MYH7B: variants seen among roughly 807,000 people sequenced by gnomAD.
The protein encoded by MYH7B is myosin-7B.
In MYH7B, 205 loss-of-function variants were observed where a neutral mutation model predicts 234.5. That is an observed-to-expected ratio of 0.87 (90% confidence interval 0.78 to 0.98). MYH7B has a LOEUF of 0.98. Ranked by LOEUF, MYH7B falls within the 50% of genes least tolerant of loss-of-function variation. The pLI is 0.00. For synonymous variants in MYH7B, 1,193 were observed against 1,105.0 expected (o/e 1.08, Z -1.58); for missense variants, 2,652 against 2,633.4 (o/e 1.01, Z -0.15).
In MYH7B at chr20:34,982,833, A is replaced by G. The variant is rs559348137; in HGVS notation, c.624+278A>G. ...TAAATTTGTGTAATTTTTATCTTCC[A>G]TTGTGACCTTCATATATTGAAAGAG... is the stretch of plus-strand genomic sequence containing the variant. On this transcript the variant is annotated intron_variant, in intron 10 of 44. Transcript: ENST00000262873. Among the ~76,000 whole-genome samples the G allele has an allele frequency of 2.0e-5, 3 of 152,076 alleles. No homozygotes were observed. In the East Asian group the frequency reaches 5.8e-4, roughly 29 times the overall value.
At chr20:34,971,462 T>C (rs1291507454) in intron 2 of MYH7B, among the ~76,000 whole-genome samples, 1 of 142,164 alleles carries the variant, frequency 7.0e-6, no homozygotes, top group Admixed American at 7.3e-5. Flanking sequence ...TAAACAGCCC[T>C]GATGCCTTTT....
intron 30 of MYH7B, 44 bp downstream of exon 30, chr20:34,996,802 C>A: frequency 6.3e-7 from 1 of 1,585,344 alleles, no homozygotes; most frequent in African/African-American, 1.3e-5. Flanking sequence ...TGAGCCTGCA[C>A]CTGGCCCTTG....
At chr20:34,994,282 G>A in exon 27 of MYH7B, 1 of 1,612,608 alleles carries the variant, frequency 6.2e-7, no homozygotes, top group Non-Finnish European at 8.5e-7. Flanking sequence ...GGCCCTGCGG[G>A]CAGAGCTGCG....
intron 2 of MYH7B, among the ~76,000 whole-genome samples, chr20:34,966,206 G>T (rs1332589912): frequency 6.6e-6 from 1 of 152,228 alleles, no homozygotes; most frequent in East Asian, 1.9e-4. Context: ...CTGTGATAAG[G>T]TGGCACCACA....
exon 36 of MYH7B, chr20:34,999,216 A>C (rs1453071163): frequency 6.2e-7 from 1 of 1,611,672 alleles, no homozygotes; most frequent in African/African-American, 1.3e-5. Context: ...TGCGCTGGAC[A>C]AGAAGCAGCG....
intron 2 of MYH7B, among the ~76,000 whole-genome samples, chr20:34,965,581 G>T (rs1190477730): frequency 3.3e-5 from 5 of 152,226 alleles, no homozygotes; most frequent in Non-Finnish European, 7.3e-5. Flanking sequence ...CCTGTCTTGT[G>T]GGGTAGACAG....
intron 23 of MYH7B, 34 bp from the exon 24 acceptor site, chr20:34,990,970 G>A (rs961597048): frequency 3.8e-6 from 6 of 1,589,730 alleles, no homozygotes; most frequent in South Asian, 2.2e-5. Flanking sequence ...GGGTGTGCCT[G>A]TTGACCTCTG....
At chr20:34,961,347 AT>A (rs1471868076) in intron 2 of MYH7B, among the ~76,000 whole-genome samples, 3 of 152,172 alleles carry the variant, frequency 2.0e-5, no homozygotes, top group African/African-American at 7.2e-5. Flanking sequence ...AACAGAACAA[AT>A]ACCTGTGTAC....
exon 10 of MYH7B, chr20:34,982,499 G>A: frequency 1.9e-6 from 3 of 1,613,786 alleles, no homozygotes; most frequent in Non-Finnish European, 2.5e-6. Context: ...CACCAAGCGG[G>A]TCATTCAGTA....
chr20:34,991,646 T>C (rs1261903220), intron 24 of MYH7B, among the ~76,000 whole-genome samples: 2 of 152,134 alleles, frequency 1.3e-5, no homozygotes, highest in Non-Finnish European at 2.9e-5. Flanking sequence ...ACGAGAATCA[T>C]GTGGACGAGG....
rs368910392 is a variant in MYH7B at position 34,994,294 on chromosome 20, G to A, written c.2593G>A (p.Gly865Arg). Residue 865 changes from glycine (G) to arginine (R), a missense_variant, in exon 27 of 45, where the codon GGG becomes AGG. Gly to Arg is a moderately radical substitution (Grantham distance 125). This residue lies in a region of MYH7B where 2,279 missense variants were observed against 2,211.4 expected (regional missense o/e 1.03). Transcript: ENST00000262873. ...GGCGGCCCTGCGGGCAGAGCTGCGG[G>A]GGTTGCGAGGGGCGCTGGCTGCGGC... The A allele has an allele frequency of 4.9e-5, 79 of 1,611,288 alleles. No homozygotes were observed. The highest frequency in any genetic ancestry group is 1.2e-4 in the Admixed American group (7 of 59,910).
intron 1 of MYH7B, among the ~76,000 whole-genome samples, chr20:34,956,986 G>C (rs1490065690): frequency 6.6e-6 from 1 of 152,224 alleles, no homozygotes; most frequent in Non-Finnish European, 1.5e-5. Context: ...CCCCGGAGAC[G>C]GAGGCTGCTG....
At chr20:34,972,676 C>T (rs2081803558) in intron 2 of MYH7B, among the ~76,000 whole-genome samples, 1 of 152,190 alleles carries the variant, frequency 6.6e-6, no homozygotes, top group Non-Finnish European at 1.5e-5. Context: ...GTTGCCCACG[C>T]TGGAGTGCAG....
At position 34,986,215 on chromosome 20, in the gene MYH7B, T is replaced by C; in HGVS notation, c.904+17T>C. ...AGCTGCAGGGTGAGGGGCAGTACGA[T>C]GAAGGGGGTGGGAGTCAGAACCTGG... On this transcript the variant is annotated intron_variant, in intron 14 of 44. Transcript: ENST00000262873. The C allele has an allele frequency of 2.5e-6, 4 of 1,570,768 alleles. No individual in the cohort carries two copies. Among genetic ancestry groups the C allele is most frequent in the African/African-American group, 1.3e-5 (1 of 74,116 alleles).
At chr20:34,972,402 C>T (rs1017419445) in intron 2 of MYH7B, among the ~76,000 whole-genome samples, 1 of 152,030 alleles carries the variant, frequency 6.6e-6, no homozygotes, top group African/African-American at 2.4e-5. Flanking sequence ...TCTGGTCTCA[C>T]CTTCAGTATC....
In MYH7B at chr20:34,998,745, G is replaced by GCCCA; in HGVS notation, c.4021_4022insCCAC (p.Gln1341ProfsTer9). 2.5e-6 allele frequency: 4 copies of GCCCA among 1,612,306 alleles called. No homozygotes were observed. The highest frequency in any genetic ancestry group is 3.4e-6 in the Non-Finnish European group (4 of 1,179,722). On this transcript the variant is annotated frameshift_variant, in exon 35 of 45. Transcript: ENST00000262873. LOFTEE classifies it high-confidence loss of function. Reference sequence around the variant, plus strand: ...CCAAGAGTGCCCTGGCCCACGCCGTGCAGGCTCTGCGGCACGACTGTGACC... The same window carrying GCCCA: ...CCAAGAGTGCCCTGGCCCACGCCGTGCCCACAGGCTCTGCGGCACGACTGTGACC...
exon 45 of MYH7B, chr20:35,002,178 A>C: frequency 6.4e-7 from 1 of 1,553,898 alleles, no homozygotes. Flanking sequence ...TCTCCTCAGC[A>C]CAAGGAGTGA....
At chr20:34,975,938 G>T (rs1437372135) in intron 3 of MYH7B, among the ~76,000 whole-genome samples, 1 of 151,902 alleles carries the variant, frequency 6.6e-6, no homozygotes, top group East Asian at 2.0e-4. Flanking sequence ...GGATGGTCTC[G>T]ATCTCCTGAC....
exon 39 of MYH7B, chr20:35,000,315 G>A (rs2082344904): frequency 6.3e-7 from 1 of 1,589,338 alleles, no homozygotes; most frequent in African/African-American, 1.3e-5. Context: ...GCGAGCTGTG[G>A]AGTCCCTGCA....
Sources: gnomAD v4.1 joint callset for allele counts (sites outside exome capture counted in the v4.1 genomes callset) on GRCh38, gnomAD v4.1.1 for gene constraint, gnomAD v4.1.1 regional missense constraint, MANE v1.5 for transcripts, NCBI Gene and HGNC (gene_info 2026-07-23, HGNC 2026-07-21) for gene names.